Variants in KMT5B observed in about 807,000 individuals in gnomAD.
The protein encoded by KMT5B is histone-lysine N-methyltransferase KMT5B.
KMT5B carries 10 observed loss-of-function variants against 83.2 expected under a neutral mutation model. The ratio of observed to expected loss-of-function variants is 0.12; its 90% CI spans 0.07 to 0.20. The LOEUF (loss-of-function observed/expected upper bound fraction) is 0.20. Ranked by LOEUF, KMT5B falls within the 10% of genes least tolerant of loss-of-function variation. The probability of loss-of-function intolerance (pLI) is 1.00; values close to 1 mark genes in which losing one functional copy is unlikely to be tolerated. For missense variants in KMT5B, 753 were observed against 1,067.2 expected, an observed-to-expected ratio of 0.71 and a Z score of 4.10; for synonymous variants, 349 against 388.8, an observed-to-expected ratio of 0.90 and a Z score of 1.20.
intron 10 of KMT5B, among the ~76,000 whole-genome samples, chr11:68,164,278 A>G (rs1379460881): frequency 2.0e-5 from 3 of 152,240 alleles, no homozygotes; most frequent in African/African-American, 7.2e-5. Flanking sequence ...ATGTGTTCAA[A>G]GAAAGCAGTT....
chr11:68,200,056 A>ACTGGAGTTGGCAGCTGGATACCAGGGT (rs1034590870), intron 1 of KMT5B, among the ~76,000 whole-genome samples: 2 of 152,142 alleles, frequency 1.3e-5, no homozygotes, highest in African/African-American at 4.8e-5. Flanking sequence ...TACAGATCCA[A>ACTGGAGTTGGCAGCTGGATACCAGGGT]CTGGAGTTGG....
At chr11:68,181,093 GAGAT>G (rs1856884362) in intron 3 of KMT5B, among the ~76,000 whole-genome samples, 1 of 142,918 alleles carries the variant, frequency 7.0e-6, no homozygotes, top group Non-Finnish European at 1.5e-5. Context: ...TTTTTTTTTG[GAGAT>G]AGAGTCTCAC....
intron 1 of KMT5B, among the ~76,000 whole-genome samples, chr11:68,193,045 A>G: frequency 6.6e-6 from 1 of 152,230 alleles, no homozygotes; most frequent in East Asian, 1.9e-4. Context: ...GAGAAAAAGG[A>G]TGTCCATGAT....
chr11:68,174,033 AC>A lies in KMT5B; in HGVS notation c.544-121del. On this transcript the variant is annotated intron_variant, in intron 5 of 10. Coordinates refer to ENST00000304363, the MANE Select transcript of KMT5B (RefSeq NM_017635.5). ...AAAAATGTAAGATCTAGCCTGAGCA[AC>A]ATAGCGAGACCCTGTCTCTACGAAA... The A allele has an allele frequency of 8.3e-6, 6 of 726,790 alleles. No homozygotes were observed. The South Asian group carries it at 8.8e-5, about 11-fold the overall frequency. 45.0% of individuals were successfully genotyped at this position (726,790 alleles called of 1,614,324 possible).
intron 4 of KMT5B, chr11:68,176,508 C>T (rs1220498168): frequency 5.3e-5 from 8 of 151,980 alleles, no homozygotes; most frequent in Non-Finnish European, 2.9e-5. Flanking sequence ...GATTATGGCC[C>T]GGTATGGTGG....
chr11:68,201,529 T>C lies in KMT5B; in HGVS notation c.-76-11377A>G, dbSNP rs544105832. On this transcript the variant is annotated intron_variant, in intron 1 of 10. Coordinates refer to ENST00000304363, the MANE Select transcript of KMT5B (RefSeq NM_017635.5). ...GAGAACTCTGATTCCAATCCATTTT[T>C]ACTTAAACACAGGCATTTTTTGCTT... Among the ~76,000 whole-genome samples the C allele has an allele frequency of 5.9e-5, 9 of 152,306 alleles. No individual in the cohort carries two copies. In the South Asian group the frequency reaches 1.9e-3, roughly 32 times the overall value.
At chr11:68,202,546 CTTT>C (rs71040602) in intron 1 of KMT5B, among the ~76,000 whole-genome samples, 2 of 121,986 alleles carry the variant, frequency 1.6e-5, no homozygotes, top group Non-Finnish European at 1.6e-5. Flanking sequence ...CTAAGACACA[CTTT>C]TTTTTTTTTT....
intron 9 of KMT5B, among the ~76,000 whole-genome samples, 171 bp from the exon 10 acceptor site, chr11:68,167,349 AT>A (rs1855406213): frequency 6.6e-6 from 1 of 152,222 alleles, no homozygotes; most frequent in African/African-American, 2.4e-5. Flanking sequence ...TATCTATATT[AT>A]AAAATTAACT....
At chr11:68,188,026 CTTTTT>C (rs1168742073) in intron 2 of KMT5B, among the ~76,000 whole-genome samples, 1 of 139,434 alleles carries the variant, frequency 7.2e-6, no homozygotes, top group African/African-American at 2.6e-5. Context: ...TTTCCTTTTT[CTTTTT>C]TTTTTTTTTT....
chr11:68,199,488 A>C (rs769891406), intron 1 of KMT5B, among the ~76,000 whole-genome samples: 2 of 152,138 alleles, frequency 1.3e-5, no homozygotes, highest in Non-Finnish European at 2.9e-5. Context: ...ATGGAGGAAG[A>C]GTGGGAGGAT....
At chr11:68,190,447 C>A (rs546102177) in intron 1 of KMT5B, among the ~76,000 whole-genome samples, 1 of 151,780 alleles carries the variant, frequency 6.6e-6, no homozygotes, top group East Asian at 1.9e-4. Flanking sequence ...ATAAAACAGC[C>A]CCAGGCAGGT....
At chr11:68,209,652 G>C (rs1565268400) in intron 1 of KMT5B, among the ~76,000 whole-genome samples, 5 of 152,144 alleles carry the variant, frequency 3.3e-5, no homozygotes, top group African/African-American at 9.7e-5. Flanking sequence ...AACCCTATCA[G>C]GTGAAACAGG....
chr11:68,157,924 G>GTTT lies in KMT5B; in HGVS notation c.2421_2422insAAA (p.Ser807_Leu808insLys). On this transcript the variant is annotated inframe_insertion, in exon 11 of 11. Coordinates refer to ENST00000304363, the MANE Select transcript of KMT5B (RefSeq NM_017635.5). ...TCCACCTCCATTCGAGACTCCAAGA[G>GTTT]AGAAAGAGGATCACTGCAGCACACC... 1 of 1,614,088 alleles carries GTTT rather than the reference G, an allele frequency of 6.2e-7. No individual in the cohort carries two copies. The highest frequency in any genetic ancestry group is 8.5e-7 in the Non-Finnish European group (1 of 1,179,980).
At chr11:68,202,458 G>A (rs148662465) in intron 1 of KMT5B, among the ~76,000 whole-genome samples, 4 of 150,582 alleles carry the variant, frequency 2.7e-5, no homozygotes, top group Non-Finnish European at 4.4e-5. Context: ...AACCCTTAAC[G>A]TTTCTCAGCA....
intron 1 of KMT5B, among the ~76,000 whole-genome samples, 163 bp downstream of exon 1, chr11:68,212,975 G>A (rs1185859674): frequency 1.6e-5 from 1 of 61,598 alleles, no homozygotes; most frequent in Non-Finnish European, 3.4e-5. Context: ...CCGCAGCCCC[G>A]CCCCCCGCGC....
Position 68,163,797 on chromosome 11 carries a change from C to T in KMT5B, c.1174+3185G>A, listed in dbSNP as rs199665302. 1.3e-4 allele frequency among the ~76,000 whole-genome samples: 20 copies of T among 152,280 alleles called. No homozygotes were observed. The East Asian group carries it at 3.1e-3, about 23-fold the overall frequency. ...GGGGTGTTAGAATTTGGAAGCAGCC[C>T]GAAGGCTCAGCAGAAAAGTGTTCAG... is the stretch of plus-strand genomic sequence containing the variant. On this transcript the variant is annotated intron_variant, in intron 10 of 10. Coordinates refer to ENST00000304363, the MANE Select transcript of KMT5B (RefSeq NM_017635.5).
At chr11:68,183,502 C>T (rs1169979224) in intron 3 of KMT5B, among the ~76,000 whole-genome samples, 2 of 150,782 alleles carry the variant, frequency 1.3e-5, no homozygotes, top group African/African-American at 4.9e-5. Flanking sequence ...GGACTACAGG[C>T]GCATGTGGCC....
At chr11:68,189,871 A>G in intron 2 of KMT5B, 46 bp downstream of exon 2, 1 of 1,557,552 alleles carries the variant, frequency 6.4e-7, no homozygotes, top group Admixed American at 1.9e-5. Context: ...AAGAATTACT[A>G]CCCCATATCA....
At chr11:68,167,418 T>G (rs954379795) in intron 9 of KMT5B, among the ~76,000 whole-genome samples, 3 of 151,812 alleles carry the variant, frequency 2.0e-5, no homozygotes, top group African/African-American at 7.2e-5. Flanking sequence ...AATCATTAAT[T>G]GCCTATGAGA....
Sources: gnomAD v4.1 joint callset for allele counts (sites outside exome capture counted in the v4.1 genomes callset) on GRCh38, gnomAD v4.1.1 for gene constraint, MANE v1.5 for transcripts, NCBI Gene and HGNC (gene_info 2026-07-23, HGNC 2026-07-21) for gene names.